The following TNFRSF10A variants were observed in gnomAD, a reference collection of about 807,000 sequenced individuals.
TNFRSF10A encodes the protein tumor necrosis factor receptor superfamily member 10A.
Under a neutral mutation model 42.8 loss-of-function variants are expected in TNFRSF10A, and 44 were observed. The ratio of observed to expected loss-of-function variants is 1.03; its 90% confidence interval spans 0.81 to 1.32. The LOEUF (loss-of-function observed/expected upper bound fraction) is 1.32. TNFRSF10A is among the 40% of genes most tolerant of loss of function. TNFRSF10A has a pLI of 0.00. For synonymous variants in TNFRSF10A, 259 were observed against 234.2 expected, an observed-to-expected ratio of 1.11 and a Z score of -0.97; for missense variants, 680 against 602.0, an observed-to-expected ratio of 1.13 and a Z score of -1.36.
chr8:23,218,129 C>T (rs1801210163), intron 1 of TNFRSF10A, among the ~76,000 whole-genome samples: 1 of 151,874 alleles, frequency 6.6e-6, no homozygotes, highest in Non-Finnish European at 1.5e-5. Context: ...GATTTGGGCT[C>T]ATGGGGGTGT....
chr8:23,195,893 C>T (rs919487595), intron 9 of TNFRSF10A, among the ~76,000 whole-genome samples: 6 of 152,166 alleles, frequency 3.9e-5, no homozygotes, highest in African/African-American at 1.4e-4. Context: ...GGACCAGACT[C>T]TCTGTGACTG....
At chr8:23,215,142 CAAAGT>C (rs1801159200) in intron 1 of TNFRSF10A, among the ~76,000 whole-genome samples, 1 of 152,038 alleles carries the variant, frequency 6.6e-6, no homozygotes, top group African/African-American at 2.4e-5. Flanking sequence ...TCAGGTGGTT[CAAAGT>C]AAAGGGTATA....
Position 23,197,133 on chromosome 8 carries a change from C to A in TNFRSF10A, c.1086G>T (p.Glu362Asp), listed in dbSNP as rs140442292. ...CATCTCCAGGAGCAAAACACTTACTCTCAGTGGGGTCAGCACCATTTGCTG... is the reference window on the plus strand; with the variant it reads ...CATCTCCAGGAGCAAAACACTTACTATCAGTGGGGTCAGCACCATTTGCTG... ...LVPANGADPTETLMLFFDKFA... is the reference protein window; with the variant it reads ...LVPANGADPTDTLMLFFDKFA... The change falls in exon 9 of 10, where the codon GAG becomes GAT. Residue 362 changes from glutamate (E) to aspartate (D), a missense_variant and splice_region_variant. By Grantham distance (45) the Glu-to-Asp change is conservative. Transcript: ENST00000221132. 4.9e-5 allele frequency: 79 copies of A among 1,614,196 alleles called. No individual in the cohort carries two copies. In the African/African-American group the frequency reaches 8.8e-4, roughly 18 times the overall value.
intron 2 of TNFRSF10A, among the ~76,000 whole-genome samples, chr8:23,205,214 T>C (rs896324416): frequency 6.6e-6 from 1 of 152,082 alleles, no homozygotes; most frequent in Admixed American, 6.5e-5. Flanking sequence ...AAGACTCAAA[T>C]TATAGTCACG....
intron 1 of TNFRSF10A, among the ~76,000 whole-genome samples, chr8:23,213,270 AG>A (rs1221902269): frequency 6.6e-6 from 1 of 151,362 alleles, no homozygotes; most frequent in Non-Finnish European, 1.5e-5. Flanking sequence ...TGGTTATTTA[AG>A]TTTTCTGTCT....
chr8:23,199,818 A>G, intron 7 of TNFRSF10A, 68 bp downstream of exon 7: 2 of 1,607,298 alleles, frequency 1.2e-6, no homozygotes, highest in Non-Finnish European at 1.7e-6. Flanking sequence ...ACCCACCTGG[A>G]CTACACTGTG....
At chr8:23,222,473 C>T (rs1196222344) in intron 1 of TNFRSF10A, among the ~76,000 whole-genome samples, 2 of 152,198 alleles carry the variant, frequency 1.3e-5, no homozygotes, top group Non-Finnish European at 2.9e-5. Context: ...TTCACCCATG[C>T]ACTAAATATT....
At chr8:23,214,054 G>T (rs1054151843) in intron 1 of TNFRSF10A, among the ~76,000 whole-genome samples, 4 of 151,294 alleles carry the variant, frequency 2.6e-5, no homozygotes, top group African/African-American at 9.7e-5. Flanking sequence ...CTTTTTTGAG[G>T]GGGGTGGGGC....
At chr8:23,216,699 G>A (rs999417933) in intron 1 of TNFRSF10A, among the ~76,000 whole-genome samples, 12 of 150,384 alleles carry the variant, frequency 8.0e-5, no homozygotes, top group African/African-American at 1.2e-4. Flanking sequence ...CCGGGATCAC[G>A]CCACTGCATT....
intron 6 of TNFRSF10A, among the ~76,000 whole-genome samples, chr8:23,200,251 C>A (rs10097540): frequency 0.24 from 37,103 of 152,136 alleles, 4,881 homozygotes; most frequent in South Asian, 0.34. Flanking sequence ...ATGGGCCTGA[C>A]CAGTGGAGGA....
chr8:23,194,733 A>C (rs1315224224), intron 9 of TNFRSF10A, among the ~76,000 whole-genome samples: 2 of 152,258 alleles, frequency 1.3e-5, no homozygotes, highest in African/African-American at 4.8e-5. Context: ...TTTCAGAAGC[A>C]ATCTGGATAA....
chr8:23,197,324 T>G, intron 8 of TNFRSF10A, 120 bp from the exon 9 acceptor site: 3 of 1,211,774 alleles, frequency 2.5e-6, no homozygotes, highest in East Asian at 2.4e-5. Flanking sequence ...TGGGTCACCA[T>G]GGAGATGGTG....
At chr8:23,210,570 T>A (rs941131354) in intron 2 of TNFRSF10A, among the ~76,000 whole-genome samples, 1 of 152,016 alleles carries the variant, frequency 6.6e-6, no homozygotes, top group Non-Finnish European at 1.5e-5. Context: ...TAGTCCCTGC[T>A]ACTTGGAAGG....
intron 2 of TNFRSF10A, among the ~76,000 whole-genome samples, chr8:23,204,435 C>T (rs1800977397): frequency 6.6e-6 from 1 of 152,120 alleles, no homozygotes; most frequent in South Asian, 2.1e-4. Flanking sequence ...AAAATACTTG[C>T]AATGAAAACC....
At chr8:23,198,558 A>G (rs1320128348) in intron 8 of TNFRSF10A, among the ~76,000 whole-genome samples, 1 of 152,228 alleles carries the variant, frequency 6.6e-6, no homozygotes, top group Non-Finnish European at 1.5e-5. Context: ...GATCTTACGC[A>G]AAAACAGTGA....
At chr8:23,197,955 C>A (rs953412738) in intron 8 of TNFRSF10A, among the ~76,000 whole-genome samples, 3 of 152,030 alleles carry the variant, frequency 2.0e-5, no homozygotes, top group African/African-American at 7.2e-5. Flanking sequence ...AATATATAAA[C>A]TATTTGTTCA....
chr8:23,218,127 C>T (rs908465285), intron 1 of TNFRSF10A, among the ~76,000 whole-genome samples: 7 of 151,810 alleles, frequency 4.6e-5, no homozygotes, highest in African/African-American at 1.7e-4. Flanking sequence ...CAGATTTGGG[C>T]TCATGGGGGT....
chr8:23,222,601 C>A (rs776976420), intron 1 of TNFRSF10A, among the ~76,000 whole-genome samples: 2 of 152,192 alleles, frequency 1.3e-5, no homozygotes, highest in Non-Finnish European at 2.9e-5. Context: ...AGGAAGAAGG[C>A]TGAGGGATGG....
chr8:23,191,918 C>G lies in TNFRSF10A; in HGVS notation c.1183G>C (p.Asp395His), dbSNP rs370495260. The G allele has an allele frequency of 1.7e-4, 271 of 1,614,006 alleles. No individual in the cohort carries two copies. Among genetic ancestry groups the G allele is most frequent in the Non-Finnish European group, 2.1e-4 (252 of 1,180,048 alleles). Reference protein sequence around the residue: ...RQLDLTKNEIDVVRAGTAGPG... With the variant: ...RQLDLTKNEIHVVRAGTAGPG... ...CCTGCTGTACCAGCTCTGACCACATCGATCTCATTTTTCGTGAGGTCCAGC... is the reference window on the plus strand; with the variant it reads ...CCTGCTGTACCAGCTCTGACCACATGGATCTCATTTTTCGTGAGGTCCAGC... Residue 395 changes from aspartate to histidine, a missense_variant, in exon 10 of 10, where the codon GAT becomes CAT. By Grantham distance (81) the Asp-to-His change is moderately conservative (BLOSUM62 -1). Transcript: ENST00000221132.
Sources: allele counts gnomAD v4.1 joint callset (sites outside exome capture counted in the v4.1 genomes callset), GRCh38; gene constraint gnomAD v4.1.1; transcripts MANE v1.5; gene names NCBI Gene and HGNC (gene_info 2026-07-23, HGNC 2026-07-21).